Variants in PTPRD observed in about 807,000 individuals in gnomAD.
PTPRD encodes the protein receptor-type tyrosine-protein phosphatase delta.
PTPRD carries 34 observed loss-of-function variants against 214.5 expected under a neutral mutation model. The observed-to-expected ratio is 0.16, with a 90% CI of 0.12 to 0.21. The LOEUF is 0.21. Among genes scored for constraint, PTPRD ranks in the 10% least tolerant of loss-of-function variants. The probability of loss-of-function intolerance (pLI) is 1.00; values close to 1 mark genes in which losing one functional copy is unlikely to be tolerated. For missense variants in PTPRD, 2,545 were observed against 2,398.7 expected (o/e 1.06, Z -1.27); for synonymous variants, 1,128 against 845.7 (o/e 1.33, Z -5.79).
intron 11 of PTPRD, among the ~76,000 whole-genome samples, chr9:8,804,903 T>A (rs75734726): frequency 6.6e-6 from 1 of 152,160 alleles, no homozygotes; most frequent in Non-Finnish European, 1.5e-5. Flanking sequence ...CCAGATCTCA[T>A]AACATCCTGG....
At chr9:9,439,382 G>A (rs373257980) in intron 8 of PTPRD, among the ~76,000 whole-genome samples, 41 of 152,252 alleles carry the variant, frequency 2.7e-4, no homozygotes, top group Admixed American at 8.5e-4. Flanking sequence ...AGGATCAGGA[G>A]TCTTAGGTCT....
intron 2 of PTPRD, among the ~76,000 whole-genome samples, chr9:10,408,840 C>T (rs1422025438): frequency 6.6e-6 from 1 of 151,704 alleles, no homozygotes; most frequent in Non-Finnish European, 1.5e-5. Context: ...ATGTCAAATG[C>T]TTTGCAAGAT....
chr9:8,855,037 A>G (rs1478807799), intron 11 of PTPRD, among the ~76,000 whole-genome samples: 2 of 152,204 alleles, frequency 1.3e-5, no homozygotes, highest in East Asian at 1.9e-4. Context: ...AATTCTTGAA[A>G]TAGTCTTCAA....
chr9:10,546,846 G>A (rs1358699168), intron 2 of PTPRD, among the ~76,000 whole-genome samples: 1 of 152,000 alleles, frequency 6.6e-6, no homozygotes, highest in Non-Finnish European at 1.5e-5. Context: ...GCAAAATAGG[G>A]AAAAATAGAA....
In PTPRD at chr9:8,422,105, C is replaced by G. The variant is rs186089468; in HGVS notation, c.4086+14487G>C. ...GAGGCTGCCGTGAACCCTGATGGTG[C>G]CACTGCACTTCAGCCTGGGTGAAAG... On this transcript the variant is annotated intron_variant, in intron 35 of 45. Transcript: ENST00000381196. Among the ~76,000 whole-genome samples the G allele has an allele frequency of 1.8e-3, 239 of 130,584 alleles. 6 individuals are homozygous for G. The highest frequency in any genetic ancestry group is 2.0e-4 in the Non-Finnish European group (13 of 64,950). 85.7% of individuals were successfully genotyped at this position (130,584 alleles called of 152,430 possible).
intron 2 of PTPRD, among the ~76,000 whole-genome samples, chr9:10,589,596 A>G (rs1042105816): frequency 2.0e-5 from 3 of 152,062 alleles, no homozygotes; most frequent in Non-Finnish European, 4.4e-5. Context: ...GGAATGAATT[A>G]CTGTGGTAAC....
chr9:9,038,508 T>TA (rs1357101487), intron 10 of PTPRD, among the ~76,000 whole-genome samples: 1 of 151,402 alleles, frequency 6.6e-6, no homozygotes, highest in Non-Finnish European at 1.5e-5. Context: ...TTCTTCACTT[T>TA]AAGTGGGGGG....
At chr9:9,168,314 T>G (rs1409774710) in intron 10 of PTPRD, among the ~76,000 whole-genome samples, 1 of 152,088 alleles carries the variant, frequency 6.6e-6, no homozygotes, top group African/African-American at 2.4e-5. Context: ...TTGCCCTCCT[T>G]CAATTTACTT....
rs532333057 is a variant in PTPRD, at chr9:9,195,215, A to G, written c.-202-11852T>C. On this transcript the variant is annotated intron_variant, in intron 9 of 45. Coordinates refer to ENST00000381196, the MANE Select transcript of PTPRD (RefSeq NM_002839.4). ...CAAAGCTATGAAAACTTGAGCATAC[A>G]TCTTGGATAAAAAAAGGTAACTTAT... 3.3e-5 allele frequency among the ~76,000 whole-genome samples: 5 copies of G among 151,984 alleles called. No individual in the cohort carries two copies. In the South Asian group the frequency reaches 1.0e-3, roughly 32 times the overall value.
intron 7 of PTPRD, among the ~76,000 whole-genome samples, chr9:9,695,218 T>C (rs2097350760): frequency 6.6e-6 from 1 of 152,160 alleles, no homozygotes; most frequent in Admixed American, 6.6e-5. Flanking sequence ...GGCACTGGGT[T>C]CCATTTTGGC....
intron 10 of PTPRD, among the ~76,000 whole-genome samples, chr9:9,103,087 T>G (rs2099793516): frequency 6.6e-6 from 1 of 152,240 alleles, no homozygotes. Flanking sequence ...GTAGTGATTT[T>G]CCTATTTAGA....
At chr9:9,011,027 C>T (rs1452022363) in intron 11 of PTPRD, among the ~76,000 whole-genome samples, 1 of 152,106 alleles carries the variant, frequency 6.6e-6, no homozygotes, top group Non-Finnish European at 1.5e-5. Context: ...ATGTAGCATG[C>T]TCATAATTTA....
chr9:9,282,167 T>C (rs1947945167), intron 9 of PTPRD, among the ~76,000 whole-genome samples: 1 of 151,298 alleles, frequency 6.6e-6, no homozygotes, highest in Non-Finnish European at 1.5e-5. Context: ...TATGAGACTG[T>C]AATGGTGGAC....
In PTPRD at chr9:8,934,315, C is replaced by A. The variant is rs1458141853; in HGVS notation, c.-104+84382G>T. 2.7e-5 allele frequency among the ~76,000 whole-genome samples: 4 copies of A among 147,576 alleles called. No homozygotes were observed. In the East Asian group the frequency reaches 8.1e-4, roughly 30 times the overall value. The stretch of plus-strand genomic sequence containing the variant: ...TCCAACTTGAACTACCGAAATCAAG[C>A]CCTGCAGACACCAGGTGTAGCTGGT... On this transcript the variant is annotated intron_variant, in intron 11 of 45. Coordinates refer to ENST00000381196, the MANE Select transcript of PTPRD (RefSeq NM_002839.4).
At chr9:9,402,977 A>AACC (rs1569568017) in intron 8 of PTPRD, among the ~76,000 whole-genome samples, 1 of 145,376 alleles carries the variant, frequency 6.9e-6, no homozygotes, top group African/African-American at 2.6e-5. Context: ...AAAAAAAAAA[A>AACC]AAAAAAAAAA....
chr9:9,386,766 G>GATA (rs2064002424), intron 9 of PTPRD, among the ~76,000 whole-genome samples: 2 of 152,030 alleles, frequency 1.3e-5, no homozygotes, highest in East Asian at 3.9e-4. Context: ...GGGAAAAAAA[G>GATA]ATAATAAAGG....
intron 7 of PTPRD, among the ~76,000 whole-genome samples, chr9:9,683,515 A>C (rs2821456): frequency 0.99 from 150,244 of 151,714 alleles, 74,407 homozygotes; most frequent in Middle Eastern, 1. Flanking sequence ...TCCTTCCTAT[A>C]AAAACAATTC....
At position 8,437,287 on chromosome 9, in the gene PTPRD, T is replaced by TAAAAA; in HGVS notation, c.3989-599_3989-598insTTTTT. 7.7e-6 allele frequency: 10 copies of TAAAAA among 1,291,914 alleles called. No individual in the cohort carries two copies. The South Asian group carries it at 9.6e-5, about 12-fold the overall frequency. The allele number at this position is 1,291,914 out of a possible 1,614,324, so 80.0% of individuals were successfully genotyped here. On this transcript the variant is annotated intron_variant, in intron 34 of 45. Coordinates refer to ENST00000381196, the MANE Select transcript of PTPRD (RefSeq NM_002839.4). The stretch of plus-strand genomic sequence containing the variant: ...AATAAAATAAAATAGAACAAATTCT[T>TAAAAA]CAAAAAAAAATGAAATGGAAAGCCT...
intron 11 of PTPRD, among the ~76,000 whole-genome samples, chr9:8,952,069 A>G (rs1284270283): frequency 6.6e-6 from 1 of 151,988 alleles, no homozygotes; most frequent in East Asian, 1.9e-4. Context: ...CTTGACTATA[A>G]CTATTTACCT....
Sources: gnomAD v4.1 joint callset for allele counts (sites outside exome capture counted in the v4.1 genomes callset) on GRCh38, gnomAD v4.1.1 for gene constraint, MANE v1.5 for transcripts, NCBI Gene and HGNC (gene_info 2026-07-23, HGNC 2026-07-21) for gene names.